Variants in REV1 observed in about 807,000 individuals in gnomAD.
REV1 encodes the protein translesion synthesis protein REV1.
A neutral mutation model predicts 137.4 loss-of-function variants in REV1; 42 were observed. The observed-to-expected ratio is 0.31, with a 90% confidence interval of 0.24 to 0.40. REV1 has a LOEUF of 0.40. REV1 is among the 10% of genes least tolerant of loss of function. REV1 has a pLI of 1.00. For missense variants in REV1, 1,282 were observed against 1,490.1 expected, an observed-to-expected ratio of 0.86 and a Z score of 2.30; for synonymous variants, 524 against 519.2, an observed-to-expected ratio of 1.01 and a Z score of -0.12.
At chr2:99,435,798 T>C (rs1680671173) in intron 7 of REV1, 36 bp downstream of exon 7, 1 of 1,003,842 alleles carries the variant, frequency 1.0e-6, no homozygotes, top group African/African-American at 1.6e-5. Flanking sequence ...TATAACAATA[T>C]ATCAGTTTTC....
At chr2:99,474,529 T>C (rs901719974) in intron 1 of REV1, among the ~76,000 whole-genome samples, 3 of 152,212 alleles carry the variant, frequency 2.0e-5, no homozygotes, top group South Asian at 2.1e-4. Flanking sequence ...TGGATCATAA[T>C]AGAGCCATAT....
chr2:99,472,056 A>C (rs1192677382), intron 1 of REV1, among the ~76,000 whole-genome samples: 1 of 152,164 alleles, frequency 6.6e-6, no homozygotes, highest in Non-Finnish European at 1.5e-5. Flanking sequence ...TTGTGAGTAT[A>C]TATCCAAAGG....
intron 1 of REV1, among the ~76,000 whole-genome samples, chr2:99,488,089 G>A (rs1022234705): frequency 8.4e-6 from 1 of 118,652 alleles, no homozygotes; most frequent in Non-Finnish European, 1.8e-5. Context: ...TAACCTCCAT[G>A]TAACTGTGAA....
intron 1 of REV1, among the ~76,000 whole-genome samples, chr2:99,478,029 T>TC (rs1172741422): frequency 6.6e-6 from 1 of 152,096 alleles, no homozygotes; most frequent in Non-Finnish European, 1.5e-5. Flanking sequence ...GGTCAGGAGT[T>TC]CGAGACCAGC....
At chr2:99,433,603 C>T (rs1680387910) in intron 8 of REV1, among the ~76,000 whole-genome samples, 1 of 152,136 alleles carries the variant, frequency 6.6e-6, no homozygotes, top group South Asian at 2.1e-4. Flanking sequence ...GCATGCTTTC[C>T]ATTTCACTGT....
intron 10 of REV1, among the ~76,000 whole-genome samples, chr2:99,423,119 G>A (rs571505349): frequency 2.0e-5 from 3 of 152,140 alleles, no homozygotes; most frequent in South Asian, 4.1e-4. Flanking sequence ...ACATAATGAC[G>A]CCAGGAAATA....
chr2:99,426,347 C>CAA (rs201251300), intron 9 of REV1, among the ~76,000 whole-genome samples: 4 of 110,202 alleles, frequency 3.6e-5, no homozygotes, highest in African/African-American at 1.0e-4. Context: ...AATTCTATCT[C>CAA]AAAAAAAAAA....
At chr2:99,416,705 T>A (rs915675804) in intron 12 of REV1, among the ~76,000 whole-genome samples, 2 of 151,692 alleles carry the variant, frequency 1.3e-5, no homozygotes, top group African/African-American at 4.8e-5. Context: ...GGCGGGCGGA[T>A]CATGAGGTCA....
chr2:99,412,834 A>G lies in REV1; in HGVS notation c.2069T>C (p.Met690Thr). The stretch of plus-strand genomic sequence containing the variant: ...CAAGCCACGGCAGAACCTATAAAGC[A>G]TCTGACCTGTTTTGGGACCAAATTC... ...QKEFGPKTGQ[M>T]LYRFCRGLDD... Residue 690 changes from methionine (M) to threonine (T), a missense_variant, in exon 13 of 23, where the codon ATG becomes ACG. Physicochemically the swap from Met to Thr is moderately conservative, Grantham distance 81 (BLOSUM62 -1). This residue lies in a region of REV1 where 372 missense variants were observed against 482.3 expected (regional missense o/e 0.77). Transcript: ENST00000258428. 1.2e-6 allele frequency: 2 copies of G among 1,614,134 alleles called. No homozygotes were observed. The highest frequency in any genetic ancestry group is 1.7e-6 in the Non-Finnish European group (2 of 1,179,964).
Position 99,401,179 on chromosome 2 carries a change from G to T in REV1, c.*62C>A. The T allele has an allele frequency of 2.0e-6, 2 of 990,562 alleles. No homozygotes were observed. Among genetic ancestry groups the T allele is most frequent in the Non-Finnish European group, 3.2e-6 (2 of 622,814 alleles). The allele number at this position is 990,562 out of a possible 1,614,324, so 61.4% of individuals were successfully genotyped here. A position where few individuals can be genotyped will look rare whatever the true frequency, so the allele number is the denominator to read the frequency against. On this transcript the variant is annotated 3_prime_UTR_variant, in exon 23 of 23. Coordinates refer to ENST00000258428, the MANE Select transcript of REV1 (RefSeq NM_016316.4). ...TCCGAGCATTACTATCATGCACTTTGCAAATACCTCACAAGCACTTATGGC... is the reference window on the plus strand; with the variant it reads ...TCCGAGCATTACTATCATGCACTTTTCAAATACCTCACAAGCACTTATGGC...
intron 3 of REV1, among the ~76,000 whole-genome samples, chr2:99,452,144 G>C (rs1339984344): frequency 2.0e-5 from 3 of 152,104 alleles, no homozygotes; most frequent in Admixed American, 2.0e-4. Context: ...AAAATTGGGA[G>C]CCAAGCACAG....
intron 8 of REV1, among the ~76,000 whole-genome samples, chr2:99,432,428 A>G (rs182403689): frequency 9.2e-5 from 14 of 152,262 alleles, no homozygotes; most frequent in African/African-American, 3.4e-4. Flanking sequence ...AATGACCCAG[A>G]GAAAGAAAGA....
At chr2:99,477,538 A>T (rs1285204323) in intron 1 of REV1, among the ~76,000 whole-genome samples, 2 of 152,238 alleles carry the variant, frequency 1.3e-5, no homozygotes, top group Non-Finnish European at 2.9e-5. Context: ...TCCCTGTTAC[A>T]GCAGCTTAGC....
At chr2:99,433,292 GAC>G (rs1575084787) in intron 8 of REV1, among the ~76,000 whole-genome samples, 1 of 152,078 alleles carries the variant, frequency 6.6e-6, no homozygotes, top group East Asian at 1.9e-4. Context: ...ATCTACTCAT[GAC>G]ACACAAAATT....
At chr2:99,462,656 G>C in intron 2 of REV1, 34 bp from the exon 3 acceptor site, 4 of 1,567,168 alleles carry the variant, frequency 2.6e-6, no homozygotes, top group Non-Finnish European at 3.4e-6. Context: ...CAATCACAAA[G>C]GTTACATTTT....
At chr2:99,431,483 C>G (rs1047899915) in intron 8 of REV1, among the ~76,000 whole-genome samples, 1 of 152,148 alleles carries the variant, frequency 6.6e-6, no homozygotes, top group Non-Finnish European at 1.5e-5. Flanking sequence ...GAGGGTGCTA[C>G]TAGACCCCAA....
At chr2:99,476,071 G>A (rs998454809) in intron 1 of REV1, among the ~76,000 whole-genome samples, 2 of 152,184 alleles carry the variant, frequency 1.3e-5, no homozygotes, top group Non-Finnish European at 2.9e-5. Context: ...TACATATTAT[G>A]CAACTTTACG....
intron 8 of REV1, chr2:99,432,058 T>A (rs1680192007): frequency 3.5e-6 from 1 of 289,620 alleles, no homozygotes; most frequent in African/African-American, 2.3e-5. Flanking sequence ...ATCCTGGAAA[T>A]CCAGGAAGGG....
At chr2:99,420,665 A>G (rs1678536957) in intron 11 of REV1, among the ~76,000 whole-genome samples, 1 of 152,000 alleles carries the variant, frequency 6.6e-6, no homozygotes, top group African/African-American at 2.4e-5. Context: ...GCCTCTCTGC[A>G]TCATCACTCA....
Sources: gnomAD v4.1 joint callset for allele counts (sites outside exome capture counted in the v4.1 genomes callset) on GRCh38, gnomAD v4.1.1 for gene constraint, gnomAD v4.1.1 regional missense constraint, MANE v1.5 for transcripts, NCBI Gene and HGNC (gene_info 2026-07-23, HGNC 2026-07-21) for gene names.